CRTAC1: variants seen among roughly 807,000 people sequenced by gnomAD.
CRTAC1 encodes the protein acidic secreted protein in cartilage.
In CRTAC1, 37 loss-of-function variants were observed where a neutral mutation model predicts 67.8. That is an observed-to-expected ratio of 0.55 (90% CI 0.42 to 0.72). CRTAC1 has a LOEUF of 0.72. Among genes scored for constraint, CRTAC1 ranks in the 30% least tolerant of loss-of-function variants. The pLI, the probability that CRTAC1 is intolerant of heterozygous loss-of-function variation, is 0.00. For missense variants in CRTAC1, 780 were observed against 931.6 expected, an observed-to-expected ratio of 0.84 and a Z score of 2.12; for synonymous variants, 348 against 371.0, an observed-to-expected ratio of 0.94 and a Z score of 0.71.
At chr10:97,969,879 C>T (rs1283431035) in intron 2 of CRTAC1, among the ~76,000 whole-genome samples, 2 of 152,102 alleles carry the variant, frequency 1.3e-5, no homozygotes, top group East Asian at 3.9e-4. Flanking sequence ...AGTATCAGGG[C>T]TTTAAATACC....
intron 1 of CRTAC1, among the ~76,000 whole-genome samples, chr10:98,011,679 G>A (rs1842912042): frequency 6.6e-6 from 1 of 152,156 alleles, no homozygotes; most frequent in Non-Finnish European, 1.5e-5. Flanking sequence ...AGCTCCACTT[G>A]GGCAAGGATC....
At chr10:97,973,504 C>T (rs75660920) in intron 2 of CRTAC1, among the ~76,000 whole-genome samples, 1,887 of 152,138 alleles carry the variant, frequency 0.012, 45 homozygotes, top group African/African-American at 0.041. Flanking sequence ...AGGAGCAGAG[C>T]AGCCTCTGCA....
chr10:97,887,232 T>TTTTTTG (rs911135925), intron 11 of CRTAC1, among the ~76,000 whole-genome samples: 22 of 151,510 alleles, frequency 1.5e-4, no homozygotes, highest in African/African-American at 4.4e-4. Flanking sequence ...CTTAGGTTTT[T>TTTTTTG]TTTTTTTTTT....
chr10:98,022,303 C>T (rs945166976), intron 1 of CRTAC1, among the ~76,000 whole-genome samples: 1 of 150,636 alleles, frequency 6.6e-6, no homozygotes. Context: ...TGGGGTGAGC[C>T]GAGATCACGC....
At chr10:98,002,767 T>G (rs920659960) in intron 2 of CRTAC1, among the ~76,000 whole-genome samples, 3 of 87,532 alleles carry the variant, frequency 3.4e-5, no homozygotes, top group Admixed American at 2.2e-4. Flanking sequence ...CTCACTTTTT[T>G]TTTTTTTTTT....
chr10:97,976,150 G>A (rs374571232), intron 2 of CRTAC1, among the ~76,000 whole-genome samples: 6 of 152,300 alleles, frequency 3.9e-5, no homozygotes, highest in Middle Eastern at 3.4e-3. Flanking sequence ...GATTATAGGT[G>A]GCTCCAAAGC....
chr10:97,939,630 C>T (rs2051141684), intron 2 of CRTAC1, among the ~76,000 whole-genome samples: 1 of 152,176 alleles, frequency 6.6e-6, no homozygotes, highest in South Asian at 2.1e-4. Flanking sequence ...TCTCACAATC[C>T]CCCAAGAAAA....
chr10:98,028,771 G>C (rs906821212), intron 1 of CRTAC1, among the ~76,000 whole-genome samples: 3 of 152,218 alleles, frequency 2.0e-5, no homozygotes, highest in African/African-American at 7.2e-5. Flanking sequence ...GGAGCTGGGG[G>C]TTGGGATATA....
chr10:97,884,135 C>T, intron 12 of CRTAC1, 71 bp downstream of exon 12: 1 of 1,503,246 alleles, frequency 6.7e-7, no homozygotes, highest in Non-Finnish European at 8.9e-7. Context: ...TCCTGGGAAC[C>T]CAGCTTCAGC....
At chr10:98,018,803 A>G (rs567606061) in intron 1 of CRTAC1, among the ~76,000 whole-genome samples, 14 of 149,152 alleles carry the variant, frequency 9.4e-5, no homozygotes, top group Admixed American at 8.0e-4. Context: ...TGAAGGAGAG[A>G]GGCAGCCACG....
intron 14 of CRTAC1, among the ~76,000 whole-genome samples, chr10:97,872,093 CCTGT>C (rs1377324231): frequency 1.3e-5 from 2 of 152,204 alleles, no homozygotes; most frequent in African/African-American, 4.8e-5. Context: ...GGGCAGGGAG[CCTGT>C]CTTACTCACT....
At chr10:97,985,436 G>C (rs2051964565) in intron 2 of CRTAC1, among the ~76,000 whole-genome samples, 1 of 152,074 alleles carries the variant, frequency 6.6e-6, no homozygotes, top group Non-Finnish European at 1.5e-5. Flanking sequence ...GATGGAACTA[G>C]ACCCTGCTCC....
chr10:97,948,361 G>A (rs986224239), intron 2 of CRTAC1, among the ~76,000 whole-genome samples: 3 of 152,180 alleles, frequency 2.0e-5, no homozygotes, highest in African/African-American at 7.2e-5. Context: ...TTAGAGAGGA[G>A]AGGAGAGGAG....
At chr10:98,007,989 G>A (rs985328759) in intron 2 of CRTAC1, among the ~76,000 whole-genome samples, 1 of 152,160 alleles carries the variant, frequency 6.6e-6, no homozygotes, top group Non-Finnish European at 1.5e-5. Context: ...GGACTGGCAG[G>A]ATAAAGACCT....
At position 97,895,821 on chromosome 10, in the gene CRTAC1, A is replaced by G. The variant is rs2050449564; in HGVS notation, c.1317+64T>C. On this transcript the variant is annotated intron_variant, in intron 10 of 14. Coordinates refer to ENST00000370597, the MANE Select transcript of CRTAC1 (RefSeq NM_018058.7). This position sits in a 1 kb window ranked among gnomAD's most constrained non-coding sequence, Gnocchi z 4.2. ...GCCAGCACCCCGGCACCTTGCCCTC[A>G]CCAACTCAAGGTACCCGAGAGCACA... The G allele has an allele frequency of 4.3e-6, 6 of 1,402,216 alleles. No individual in the cohort carries two copies. Among genetic ancestry groups the G allele is most frequent in the African/African-American group, 1.4e-5 (1 of 70,700 alleles). The allele number at this position is 1,402,216 out of a possible 1,614,324, so 86.9% of individuals were successfully genotyped here.
At chr10:97,911,018 T>C (rs112678535) in intron 5 of CRTAC1, among the ~76,000 whole-genome samples, 4,455 of 152,314 alleles carry the variant, frequency 0.029, 211 homozygotes, top group African/African-American at 0.099. Context: ...TCCAGAGGCC[T>C]GTCCTAAAGC....
chr10:98,002,857 C>T (rs1324034691), intron 2 of CRTAC1, among the ~76,000 whole-genome samples: 1 of 132,012 alleles, frequency 7.6e-6, no homozygotes, highest in Non-Finnish European at 1.6e-5. Flanking sequence ...CCGTTCACTG[C>T]AAGCTCCGCC....
chr10:97,970,387 C>A (rs928364907), intron 2 of CRTAC1, among the ~76,000 whole-genome samples: 1 of 152,192 alleles, frequency 6.6e-6, no homozygotes, highest in Non-Finnish European at 1.5e-5. Flanking sequence ...GGCTCAAAAT[C>A]CTTCTCCTAA....
At chr10:97,903,781 C>T (rs749553785) in intron 7 of CRTAC1, among the ~76,000 whole-genome samples, 2 of 152,160 alleles carry the variant, frequency 1.3e-5, no homozygotes, top group African/African-American at 4.8e-5. Flanking sequence ...ATGCTGTTGG[C>T]ACCTCCATCA....
Sources: gnomAD v4.1 joint callset for allele counts (sites outside exome capture counted in the v4.1 genomes callset) on GRCh38, gnomAD v4.1.1 for gene constraint, Gnocchi (gnomAD v3.1) non-coding constraint, MANE v1.5 for transcripts, NCBI Gene and HGNC (gene_info 2026-07-23, HGNC 2026-07-21) for gene names.